Variants in DPP10 observed in about 807,000 individuals in gnomAD.
The protein encoded by DPP10 is dipeptidyl peptidase like 10.
A neutral mutation model predicts 120.9 loss-of-function variants in DPP10; 33 were observed. The ratio of observed to expected loss-of-function variants is 0.27; its 90% CI spans 0.21 to 0.37. The LOEUF is 0.37. Ranked by LOEUF, DPP10 falls within the 10% of genes least tolerant of loss-of-function variation. The pLI, the probability that DPP10 is intolerant of heterozygous loss-of-function variation, is 1.00. For missense variants in DPP10, 816 were observed against 942.8 expected, an observed-to-expected ratio of 0.87 and a Z score of 1.76; for synonymous variants, 337 against 326.1, an observed-to-expected ratio of 1.03 and a Z score of -0.36.
chr2:114,682,987 T>C (rs1007794327), intron 1 of DPP10, among the ~76,000 whole-genome samples: 1 of 151,972 alleles, frequency 6.6e-6, no homozygotes, highest in African/African-American at 2.4e-5. Context: ...AAGTTTTCCA[T>C]TTGGTAAACT....
intron 1 of DPP10, among the ~76,000 whole-genome samples, chr2:114,980,554 T>C (rs1202652979): frequency 2.6e-5 from 4 of 151,888 alleles, no homozygotes; most frequent in African/African-American, 9.7e-5. Flanking sequence ...AAATTATCTG[T>C]TACCTATATG....
intron 3 of DPP10, among the ~76,000 whole-genome samples, chr2:115,411,101 G>C (rs2068922275): frequency 6.6e-6 from 1 of 152,070 alleles, no homozygotes; most frequent in Non-Finnish European, 1.5e-5. Flanking sequence ...AGGCCGAGGT[G>C]GTGGGTGGAT....
intron 1 of DPP10, among the ~76,000 whole-genome samples, chr2:114,727,448 T>G (rs898785871): frequency 1.3e-5 from 2 of 152,206 alleles, no homozygotes; most frequent in African/African-American, 2.4e-5. Flanking sequence ...CTGGATGTCA[T>G]GTATGATCCA....
intron 1 of DPP10, among the ~76,000 whole-genome samples, chr2:114,837,498 A>G (rs1355989022): frequency 6.6e-6 from 1 of 152,178 alleles, no homozygotes; most frequent in African/African-American, 2.4e-5. Flanking sequence ...TGAGTCCATG[A>G]ATACGTTTTA....
intron 1 of DPP10, among the ~76,000 whole-genome samples, chr2:114,628,333 G>T (rs1694663968): frequency 6.6e-6 from 1 of 152,084 alleles, no homozygotes; most frequent in African/African-American, 2.4e-5. Flanking sequence ...TTTTGAATCA[G>T]ACATCCAGAT....
chr2:114,524,349 C>A (rs1033150553), intron 1 of DPP10, among the ~76,000 whole-genome samples: 1 of 152,168 alleles, frequency 6.6e-6, no homozygotes, highest in Admixed American at 6.5e-5. Context: ...TCCCAGATAA[C>A]GCAGGATCCC....
At chr2:115,352,646 T>A (rs2064111553) in intron 3 of DPP10, among the ~76,000 whole-genome samples, 1 of 152,166 alleles carries the variant, frequency 6.6e-6, no homozygotes, top group African/African-American at 2.4e-5. Flanking sequence ...CACAGTCCCT[T>A]TGATCAACGA....
At chr2:115,780,430 T>A (rs1365581027) in intron 15 of DPP10, among the ~76,000 whole-genome samples, 1 of 151,874 alleles carries the variant, frequency 6.6e-6, no homozygotes, top group Non-Finnish European at 1.5e-5. Context: ...ATTTAGAAAA[T>A]CATGAGCTGG....
rs963195301 is a variant in DPP10 at position 115,520,836 on chromosome 2, C to T, written c.367-5062C>T. 2.6e-5 allele frequency among the ~76,000 whole-genome samples: 4 copies of T among 152,304 alleles called. No homozygotes were observed. In the East Asian group the frequency reaches 7.7e-4, roughly 29 times the overall value. The stretch of plus-strand genomic sequence containing the variant: ...ACATCTTGGAATACCATCATTATCT[C>T]ATTTTCTACCTCTAGTTATAATGTT... On this transcript the variant is annotated intron_variant, in intron 4 of 25. Coordinates refer to ENST00000410059, the MANE Select transcript of DPP10 (RefSeq NM_020868.6).
chr2:115,036,078 C>A (rs911244923), intron 1 of DPP10, among the ~76,000 whole-genome samples: 14 of 152,302 alleles, frequency 9.2e-5, no homozygotes, highest in Middle Eastern at 3.4e-3. Context: ...ACCCACAGTT[C>A]TGCATGGCTG....
At chr2:115,630,979 C>G (rs2085809305) in intron 5 of DPP10, among the ~76,000 whole-genome samples, 1 of 150,370 alleles carries the variant, frequency 6.7e-6, no homozygotes, top group African/African-American at 2.5e-5. Context: ...GAAGAAGTGG[C>G]ACCAGCTCCT....
intron 1 of DPP10, among the ~76,000 whole-genome samples, chr2:114,566,798 T>C (rs1349319003): frequency 6.6e-6 from 1 of 152,200 alleles, no homozygotes; most frequent in Non-Finnish European, 1.5e-5. Flanking sequence ...CAAACATGTG[T>C]CCTTGGACAA....
At chr2:114,677,301 G>T (rs537392445) in intron 1 of DPP10, among the ~76,000 whole-genome samples, 1 of 152,138 alleles carries the variant, frequency 6.6e-6, no homozygotes. Flanking sequence ...TGTACATTTA[G>T]CACCTCCACC....
Position 114,665,148 on chromosome 2 carries a change from T to C in DPP10, c.60+222310T>C, listed in dbSNP as rs531609359. Reference sequence around the variant, plus strand: ...CATAGTGGTCAAGGAAAAAAATGTATGCTGAAAAGTATATTTGAATGTTGC... The same window carrying C: ...CATAGTGGTCAAGGAAAAAAATGTACGCTGAAAAGTATATTTGAATGTTGC... On this transcript the variant is annotated intron_variant, in intron 1 of 25. Coordinates refer to ENST00000410059, the MANE Select transcript of DPP10 (RefSeq NM_020868.6). Among the ~76,000 whole-genome samples the C allele has an allele frequency of 2.6e-5, 4 of 152,312 alleles. No individual in the cohort carries two copies. The East Asian group carries it at 7.7e-4, about 29-fold the overall frequency.
intron 1 of DPP10, among the ~76,000 whole-genome samples, chr2:114,947,229 A>G (rs1387599957): frequency 2.6e-5 from 4 of 151,906 alleles, no homozygotes; most frequent in African/African-American, 9.7e-5. Context: ...TGGATTGGTG[A>G]TTGTTGTTCC....
intron 1 of DPP10, among the ~76,000 whole-genome samples, chr2:114,738,507 A>G (rs1457908108): frequency 6.6e-6 from 1 of 152,134 alleles, no homozygotes; most frequent in Non-Finnish European, 1.5e-5. Context: ...AAAGCCTGGG[A>G]CACAGAGTGG....
chr2:114,647,635 G>A (rs1020472009), intron 1 of DPP10, among the ~76,000 whole-genome samples: 9 of 151,680 alleles, frequency 5.9e-5, no homozygotes, highest in African/African-American at 1.9e-4. Context: ...TAAAAATGTG[G>A]CATCCAGTGC....
rs1348339430 is a variant in DPP10 at position 115,594,714 on chromosome 2, A to T, written c.441+68742A>T. On this transcript the variant is annotated intron_variant, in intron 5 of 25. Coordinates refer to ENST00000410059, the MANE Select transcript of DPP10 (RefSeq NM_020868.6). Reference sequence around the variant, plus strand: ...CAAGTTTTGTACTCTAGCTGATGATAAACCACTTTTTGAGGAGAATCAAAG... The same window carrying T: ...CAAGTTTTGTACTCTAGCTGATGATTAACCACTTTTTGAGGAGAATCAAAG... Among the ~76,000 whole-genome samples the T allele has an allele frequency of 2.6e-5, 4 of 152,290 alleles. No homozygotes were observed. The East Asian group carries it at 7.7e-4, about 29-fold the overall frequency.
chr2:114,701,752 G>T (rs1016943693), intron 1 of DPP10, among the ~76,000 whole-genome samples: 1 of 152,212 alleles, frequency 6.6e-6, no homozygotes, highest in African/African-American at 2.4e-5. Context: ...GTCCAGGAAA[G>T]CTGAGGCTGT....
Sources: allele counts gnomAD v4.1 joint callset (sites outside exome capture counted in the v4.1 genomes callset), GRCh38; gene constraint gnomAD v4.1.1; transcripts MANE v1.5; gene names NCBI Gene and HGNC (gene_info 2026-07-23, HGNC 2026-07-21).